Variants in CNTNAP2 observed in about 807,000 individuals in gnomAD.
CNTNAP2 encodes the protein contactin-associated protein-like 2.
In CNTNAP2, 98 loss-of-function variants were observed where a neutral mutation model predicts 155.2. The observed-to-expected ratio is 0.63, with a 90% CI of 0.54 to 0.75. The LOEUF (loss-of-function observed/expected upper bound fraction) is 0.75, where lower values mean the gene tolerates loss of function less well. Ranked by LOEUF, CNTNAP2 falls within the 30% of genes least tolerant of loss-of-function variation. The pLI is 0.00. For synonymous variants in CNTNAP2, 651 were observed against 631.2 expected (o/e 1.03, Z -0.47); for missense variants, 1,727 against 1,688.1 (o/e 1.02, Z -0.40).
intron 15 of CNTNAP2, among the ~76,000 whole-genome samples, chr7:148,074,164 G>A (rs934579972): frequency 3.4e-4 from 52 of 152,158 alleles, no homozygotes; most frequent in Admixed American, 3.0e-3. Context: ...CTTAGATGGT[G>A]GCGTTAGAGT....
intron 2 of CNTNAP2, among the ~76,000 whole-genome samples, chr7:146,812,865 G>T (rs943136301): frequency 6.6e-6 from 1 of 152,204 alleles, no homozygotes; most frequent in Non-Finnish European, 1.5e-5. Flanking sequence ...CTCGGGAGAT[G>T]GTGCCCTATG....
intron 1 of CNTNAP2, among the ~76,000 whole-genome samples, chr7:146,234,964 G>T (rs1483600044): frequency 6.6e-6 from 1 of 152,086 alleles, no homozygotes; most frequent in Non-Finnish European, 1.5e-5. Flanking sequence ...CCTTGGAGAG[G>T]TGGATCCGTA....
chr7:146,273,086 A>AAGAG (rs58582637), intron 1 of CNTNAP2, among the ~76,000 whole-genome samples: 3,366 of 138,032 alleles, frequency 0.024, 136 homozygotes, highest in African/African-American at 0.09. Context: ...GAGAAAGAGA[A>AAGAG]AGAGAGAGAG....
intron 21 of CNTNAP2, among the ~76,000 whole-genome samples, chr7:148,332,685 A>C (rs535686608): frequency 2.6e-5 from 4 of 152,232 alleles, no homozygotes; most frequent in African/African-American, 9.6e-5. Context: ...ACATGGAAAG[A>C]GGTTCTCCAG....
At chr7:146,873,133 T>C (rs546331467) in intron 3 of CNTNAP2, among the ~76,000 whole-genome samples, 46 of 152,292 alleles carry the variant, frequency 3.0e-4, no homozygotes, top group African/African-American at 1.1e-3. Flanking sequence ...ATGCATTGGG[T>C]GGATTTAGAC....
chr7:147,594,280 C>T (rs1302705278), intron 12 of CNTNAP2, among the ~76,000 whole-genome samples: 2 of 152,046 alleles, frequency 1.3e-5, no homozygotes, highest in African/African-American at 4.8e-5. Flanking sequence ...CGCGCACCAC[C>T]ATGCCCAGCT....
chr7:147,208,837 A>G lies in CNTNAP2; in HGVS notation c.1348+76328A>G, dbSNP rs147761603. Among the ~76,000 whole-genome samples the G allele has an allele frequency of 5.1e-3, 782 of 152,144 alleles. 6 individuals carry two copies. The highest frequency in any genetic ancestry group is 8.2e-3 in the Non-Finnish European group (554 of 67,894). ...TAATAGTCATATTCTTGCTAAATGA[A>G]CAATTCAAATTAGTCACATTAAAGA... is the stretch of plus-strand genomic sequence containing the variant. On this transcript the variant is annotated intron_variant, in intron 8 of 23. Transcript: ENST00000361727.
intron 2 of CNTNAP2, among the ~76,000 whole-genome samples, chr7:146,818,242 C>G (rs1473647809): frequency 6.6e-6 from 1 of 152,098 alleles, no homozygotes; most frequent in Admixed American, 6.6e-5. Flanking sequence ...ACCCCAAATT[C>G]AAATAATATC....
rs185435551 is a variant in CNTNAP2 at position 148,267,156 on chromosome 7, C to T, written c.3475+30C>T. ...GAATGTGGTTCGTTAGGTATAAATGCGTGCTACAAATACATTTGGGTAATG... is the reference window on the plus strand; with the variant it reads ...GAATGTGGTTCGTTAGGTATAAATGTGTGCTACAAATACATTTGGGTAATG... On this transcript the variant is annotated intron_variant, in intron 21 of 23. Transcript: ENST00000361727. 9.0e-4 allele frequency: 1,396 copies of T among 1,548,118 alleles called. 20 individuals are homozygous for T. Among genetic ancestry groups the T allele is most frequent in the Non-Finnish European group, 7.5e-5 (84 of 1,120,886 alleles).
intron 1 of CNTNAP2, among the ~76,000 whole-genome samples, chr7:146,702,843 A>G (rs1800899995): frequency 6.6e-6 from 1 of 152,154 alleles, no homozygotes; most frequent in African/African-American, 2.4e-5. Context: ...CATGTTAAAG[A>G]TCATATATAA....
chr7:146,834,968 A>G (rs535133502), intron 2 of CNTNAP2, among the ~76,000 whole-genome samples: 140 of 152,292 alleles, frequency 9.2e-4, no homozygotes, highest in African/African-American at 3.1e-3. Context: ...GGAACTTTTC[A>G]TCGATCTTTC....
intron 1 of CNTNAP2, among the ~76,000 whole-genome samples, chr7:146,247,663 A>G (rs1799683904): frequency 6.6e-6 from 1 of 152,234 alleles, no homozygotes; most frequent in African/African-American, 2.4e-5. Context: ...GGAAAAATTG[A>G]AAGTGCCATT....
At chr7:148,264,169 C>A (rs1467327902) in intron 20 of CNTNAP2, among the ~76,000 whole-genome samples, 4 of 152,174 alleles carry the variant, frequency 2.6e-5, no homozygotes, top group Non-Finnish European at 2.9e-5. Context: ...ATCCATAGAA[C>A]GAAATACTAG....
chr7:147,826,505 C>T (rs1471864858), intron 13 of CNTNAP2, among the ~76,000 whole-genome samples: 1 of 152,024 alleles, frequency 6.6e-6, no homozygotes, highest in Non-Finnish European at 1.5e-5. Flanking sequence ...TAATACTGGC[C>T]AGAGAATGGA....
At chr7:148,002,004 C>T (rs1463290021) in intron 15 of CNTNAP2, among the ~76,000 whole-genome samples, 5 of 152,010 alleles carry the variant, frequency 3.3e-5, no homozygotes, top group Non-Finnish European at 5.9e-5. Context: ...TCATTTTATG[C>T]CCATAAAGCT....
chr7:147,105,491 G>A lies in CNTNAP2; in HGVS notation c.551-2656G>A, dbSNP rs185610254. On this transcript the variant is annotated intron_variant, in intron 4 of 23. Coordinates refer to ENST00000361727, the MANE Select transcript of CNTNAP2 (RefSeq NM_014141.6). Reference sequence around the variant, plus strand: ...TGGCTTGTCCCCAAATAAGCACAGCGCATTATTAGATATCAAATGAAATTT... The same window carrying A: ...TGGCTTGTCCCCAAATAAGCACAGCACATTATTAGATATCAAATGAAATTT... Among the ~76,000 whole-genome samples the A allele has an allele frequency of 5.2e-3, 791 of 152,064 alleles. 10 individuals carry two copies. The highest frequency in any genetic ancestry group is 0.034 in the Middle Eastern group (10 of 294).
intron 1 of CNTNAP2, among the ~76,000 whole-genome samples, chr7:146,365,814 A>G (rs1795147274): frequency 6.6e-6 from 1 of 152,178 alleles, no homozygotes; most frequent in Non-Finnish European, 1.5e-5. Flanking sequence ...CATGTCTATT[A>G]ACTTAATAAG....
intron 3 of CNTNAP2, among the ~76,000 whole-genome samples, chr7:146,958,806 C>G (rs1007828385): frequency 3.3e-5 from 5 of 151,874 alleles, no homozygotes; most frequent in Non-Finnish European, 7.4e-5. Flanking sequence ...TAGTAGGCAT[C>G]CAATTAAAAT....
chr7:147,006,282 G>C (rs565409254), intron 3 of CNTNAP2, among the ~76,000 whole-genome samples: 1 of 152,058 alleles, frequency 6.6e-6, no homozygotes, highest in African/African-American at 2.4e-5. Context: ...GTTTTAGTGA[G>C]GTTTGTTATA....
Sources: allele counts gnomAD v4.1 joint callset (sites outside exome capture counted in the v4.1 genomes callset), GRCh38; gene constraint gnomAD v4.1.1; transcripts MANE v1.5; gene names NCBI Gene and HGNC (gene_info 2026-07-23, HGNC 2026-07-21).